Variants in GRAMD1B observed in about 807,000 individuals in gnomAD.
GRAMD1B encodes GRAM domain containing 1B.
A neutral mutation model predicts 99.7 loss-of-function variants in GRAMD1B; 37 were observed. The observed-to-expected ratio is 0.37, with a 90% confidence interval of 0.29 to 0.49. The LOEUF (loss-of-function observed/expected upper bound fraction) is 0.49. Ranked by LOEUF, GRAMD1B falls within the 20% of genes least tolerant of loss-of-function variation. GRAMD1B has a pLI of 0.98. For missense variants in GRAMD1B, 888 were observed against 1,009.2 expected (o/e 0.88, Z 1.63); for synonymous variants, 427 against 387.6 (o/e 1.10, Z -1.19).
intron 7 of GRAMD1B, chr11:123,598,613 C>T (rs1951577945): frequency 1.4e-6 from 2 of 1,467,160 alleles, no homozygotes; most frequent in Non-Finnish European, 1.9e-6. Flanking sequence ...TCTGGGCTCG[C>T]TCTTCTGGGA....
chr11:123,571,555 A>G (rs761223532), intron 2 of GRAMD1B, among the ~76,000 whole-genome samples: 6 of 152,098 alleles, frequency 3.9e-5, no homozygotes, highest in Admixed American at 6.5e-5. Context: ...AGGGGAGGAG[A>G]GCAATAATAG....
intron 1 of GRAMD1B, among the ~76,000 whole-genome samples, chr11:123,395,928 G>A (rs1947441763): frequency 6.6e-6 from 1 of 152,172 alleles, no homozygotes; most frequent in Non-Finnish European, 1.5e-5. Context: ...GAAACTCAAA[G>A]GAGGTATCAG....
In GRAMD1B at chr11:123,591,826, G is replaced by T. The variant is rs1437579371; in HGVS notation, c.685-2256G>T. 1.3e-5 allele frequency among the ~76,000 whole-genome samples: 2 copies of T among 152,160 alleles called. No homozygotes were observed. Among genetic ancestry groups the T allele is most frequent in the African/African-American group, 4.8e-5 (2 of 41,446 alleles). ...TTGTGGAATAGGCTTGTGTTGGGAA[G>T]CCTGGATAAAGGAGTTTCCAGACTG... On this transcript the variant is annotated intron_variant, in intron 4 of 19. Coordinates refer to ENST00000635736, the MANE Select transcript of GRAMD1B (RefSeq NM_001387025.1). This position sits in a 1 kb window ranked among gnomAD's most constrained non-coding sequence, Gnocchi z 4.7.
chr11:123,449,055 C>T (rs936770070), intron 1 of GRAMD1B, among the ~76,000 whole-genome samples: 8 of 152,182 alleles, frequency 5.3e-5, no homozygotes, highest in Non-Finnish European at 7.3e-5. Context: ...AACGTTGTTC[C>T]GTCAGACAGA....
At chr11:123,534,225 A>G (rs2673329) in intron 2 of GRAMD1B, among the ~76,000 whole-genome samples, 80,863 of 152,080 alleles carry the variant, frequency 0.53, 22,249 homozygotes, top group Middle Eastern at 0.65. Context: ...AGAAAAGAAA[A>G]TGTTAAGAAA....
chr11:123,519,202 A>G (rs895048816), intron 2 of GRAMD1B, among the ~76,000 whole-genome samples: 1 of 152,160 alleles, frequency 6.6e-6, no homozygotes, highest in Non-Finnish European at 1.5e-5. Flanking sequence ...GCTGACATAG[A>G]TGAATAGGCT....
intron 3 of GRAMD1B, chr11:123,578,493 C>A: frequency 1.7e-6 from 2 of 1,172,502 alleles, no homozygotes. Flanking sequence ...CTGTAGTGCT[C>A]AGCACCCCCT....
intron 1 of GRAMD1B, among the ~76,000 whole-genome samples, chr11:123,416,350 G>A (rs1246720721): frequency 2.0e-5 from 3 of 152,164 alleles, no homozygotes; most frequent in Non-Finnish European, 4.4e-5. Context: ...GCATTCTCTA[G>A]TTCCTTTAGA....
At chr11:123,447,444 C>T (rs143786317) in intron 1 of GRAMD1B, among the ~76,000 whole-genome samples, 23 of 152,272 alleles carry the variant, frequency 1.5e-4, no homozygotes, top group African/African-American at 5.3e-4. Context: ...AGGAAGGAGC[C>T]GTATCTTCAG....
chr11:123,614,820 TG>T lies in GRAMD1B; in HGVS notation c.2305del (p.Val769LeufsTer14). 6.2e-7 allele frequency: 1 copy of T among 1,605,650 alleles called. No individual in the cohort carries two copies. Among genetic ancestry groups the T allele is most frequent in the Non-Finnish European group, 8.5e-7 (1 of 1,172,628 alleles). On this transcript the variant is annotated frameshift_variant, in exon 17 of 20. Coordinates refer to ENST00000635736, the MANE Select transcript of GRAMD1B (RefSeq NM_001387025.1). LOFTEE classifies it high-confidence loss of function. The part of the protein sequence containing the change: ...FHLQSVSKLL[L>X]VISCVLVLLV... ...CTGCAGAGCGTGTCCAAGCTGCTGC[TG>T]GTTATCAGCTGTGTGTAAGGGATTC...
intron 1 of GRAMD1B, among the ~76,000 whole-genome samples, chr11:123,449,771 A>G (rs1284553030): frequency 6.9e-6 from 1 of 144,076 alleles, no homozygotes; most frequent in Non-Finnish European, 1.5e-5. Context: ...CTCAGGTTGG[A>G]ACACAGTAGC....
At chr11:123,536,518 T>C (rs971756426) in intron 2 of GRAMD1B, among the ~76,000 whole-genome samples, 1 of 152,168 alleles carries the variant, frequency 6.6e-6, no homozygotes, top group Admixed American at 6.5e-5. Context: ...ATGAAATAAT[T>C]CGTGTTGATG....
At chr11:123,369,520 G>A (rs1430915646) in intron 1 of GRAMD1B, among the ~76,000 whole-genome samples, 1 of 152,066 alleles carries the variant, frequency 6.6e-6, no homozygotes, top group African/African-American at 2.4e-5. Flanking sequence ...TTCATGGTCC[G>A]CCAAGCACTG....
At chr11:123,396,426 C>T (rs375129855) in intron 1 of GRAMD1B, among the ~76,000 whole-genome samples, 2 of 152,030 alleles carry the variant, frequency 1.3e-5, no homozygotes, top group African/African-American at 4.8e-5. Flanking sequence ...TAGGCATGTA[C>T]CACCACGCCT....
intron 11 of GRAMD1B, 113 bp from the exon 12 acceptor site, chr11:123,608,546 C>T (rs931959415): frequency 3.2e-5 from 49 of 1,545,854 alleles, no homozygotes; most frequent in Non-Finnish European, 3.8e-5. Flanking sequence ...TCTCCATACC[C>T]TTGTTGACTG....
chr11:123,406,259 C>CTTT (rs766355496), intron 1 of GRAMD1B, among the ~76,000 whole-genome samples: 3 of 123,984 alleles, frequency 2.4e-5, no homozygotes, highest in Non-Finnish European at 1.7e-5. Context: ...CCCATTGTTG[C>CTTT]TTTTTTTTTT....
chr11:123,509,650 T>C (rs780205510), intron 2 of GRAMD1B, among the ~76,000 whole-genome samples: 13 of 152,234 alleles, frequency 8.5e-5, no homozygotes, highest in Non-Finnish European at 1.8e-4. Flanking sequence ...TGCACTGTCT[T>C]GGGAATGTGA....
chr11:123,459,980 C>T (rs1386140702), intron 1 of GRAMD1B: 1 of 152,160 alleles, frequency 6.6e-6, no homozygotes, highest in Non-Finnish European at 1.5e-5. Context: ...TGTCCTTGTC[C>T]TCACCCTTGT....
chr11:123,388,652 G>A (rs1359337797), intron 1 of GRAMD1B, among the ~76,000 whole-genome samples: 1 of 151,928 alleles, frequency 6.6e-6, no homozygotes, highest in Admixed American at 6.6e-5. Flanking sequence ...ACTCCAGCCT[G>A]GGCAACAGAA....
Sources: allele counts gnomAD v4.1 joint callset (sites outside exome capture counted in the v4.1 genomes callset), GRCh38; gene constraint gnomAD v4.1.1; non-coding constraint Gnocchi (gnomAD v3.1); transcripts MANE v1.5; gene names NCBI Gene and HGNC (gene_info 2026-07-23, HGNC 2026-07-21).